The following SGCZ variants were observed in gnomAD, a reference collection of about 807,000 sequenced individuals.
SGCZ encodes zeta-sarcoglycan.
Under a neutral mutation model 41.3 loss-of-function variants are expected in SGCZ, and 40 were observed. The observed-to-expected ratio is 0.97, with a 90% CI of 0.75 to 1.26. SGCZ has a LOEUF of 1.26. Ranked by LOEUF, SGCZ falls within the 50% of genes most tolerant of loss-of-function variation. The pLI is 0.00. For missense variants in SGCZ, 552 were observed against 369.8 expected, an observed-to-expected ratio of 1.49 and a Z score of -4.04; for synonymous variants, 206 against 137.5, an observed-to-expected ratio of 1.50 and a Z score of -3.49.
intron 6 of SGCZ, among the ~76,000 whole-genome samples, chr8:14,103,772 CTG>C (rs1469787860): frequency 1.3e-5 from 2 of 151,968 alleles, no homozygotes; most frequent in Admixed American, 1.3e-4. Context: ...TAAGAAACGT[CTG>C]TATTTTTTTT....
At chr8:14,157,426 C>T (rs1803912441) in intron 5 of SGCZ, among the ~76,000 whole-genome samples, 1 of 149,718 alleles carries the variant, frequency 6.7e-6, no homozygotes, top group Admixed American at 6.7e-5. Context: ...TCCCAACTGG[C>T]TCATATGTCT....
At chr8:14,538,052 G>A (rs1457053170) in intron 2 of SGCZ, among the ~76,000 whole-genome samples, 1 of 151,752 alleles carries the variant, frequency 6.6e-6, no homozygotes, top group Non-Finnish European at 1.5e-5. Flanking sequence ...TAGGCCCACT[G>A]GACATCTTTC....
intron 1 of SGCZ, among the ~76,000 whole-genome samples, chr8:14,907,058 G>C (rs1290685816): frequency 1.3e-5 from 2 of 152,104 alleles, no homozygotes. Context: ...CTCCCTGAAA[G>C]CATGGTGCTA....
At chr8:14,672,332 C>A (rs1808130283) in intron 1 of SGCZ, among the ~76,000 whole-genome samples, 1 of 151,976 alleles carries the variant, frequency 6.6e-6, no homozygotes, top group Non-Finnish European at 1.5e-5. Flanking sequence ...AGCGGAAAAC[C>A]AGCTGTAAAT....
chr8:14,128,531 C>G (rs1217111991), intron 5 of SGCZ, among the ~76,000 whole-genome samples: 3 of 152,156 alleles, frequency 2.0e-5, no homozygotes. Context: ...ATTCTTCAGT[C>G]CAGCAATTCC....
At chr8:14,566,888 G>A (rs908357516) in intron 1 of SGCZ, among the ~76,000 whole-genome samples, 5 of 152,200 alleles carry the variant, frequency 3.3e-5, no homozygotes, top group Non-Finnish European at 7.3e-5. Flanking sequence ...TTCCAGGTGG[G>A]CGGCTGTGGG....
At chr8:14,291,267 T>G (rs1230648191) in intron 3 of SGCZ, among the ~76,000 whole-genome samples, 5 of 152,062 alleles carry the variant, frequency 3.3e-5, no homozygotes, top group Admixed American at 1.3e-4. Context: ...CAATAATGTA[T>G]TGTACATTTC....
intron 2 of SGCZ, among the ~76,000 whole-genome samples, chr8:14,327,146 A>G (rs1052042419): frequency 2.0e-5 from 3 of 152,316 alleles, no homozygotes; most frequent in Non-Finnish European, 2.9e-5. Context: ...GGATGTTAAG[A>G]AATATGGCAA....
chr8:14,934,765 C>A (rs891504868), intron 1 of SGCZ, among the ~76,000 whole-genome samples: 2 of 151,304 alleles, frequency 1.3e-5, no homozygotes, highest in East Asian at 3.9e-4. Context: ...TACCTAGACA[C>A]ATCAAAGTGA....
At chr8:14,365,157 C>T (rs113135515) in intron 2 of SGCZ, among the ~76,000 whole-genome samples, 3,101 of 152,038 alleles carry the variant, frequency 0.02, 90 homozygotes, top group African/African-American at 0.058. Flanking sequence ...TTACAGGGTA[C>T]ATCCCTTTTT....
rs1041021859 is a variant in SGCZ, at chr8:14,197,741, G to C, written c.425-33039C>G. 5.8e-4 allele frequency among the ~76,000 whole-genome samples: 88 copies of C among 151,994 alleles called. 1 individual carries two copies. The highest frequency in any genetic ancestry group is 3.9e-4 in the East Asian group (2 of 5,162). ...CAAAACCTAAGTGCTTTTCCCCTAA[G>C]TTTCAGTTTAAAAAGCAAAAATGTC... On this transcript the variant is annotated intron_variant, in intron 4 of 7. Coordinates refer to ENST00000382080, the MANE Select transcript of SGCZ (RefSeq NM_139167.4).
At chr8:15,156,382 A>G (rs1799331260) in intron 1 of SGCZ, among the ~76,000 whole-genome samples, 1 of 152,190 alleles carries the variant, frequency 6.6e-6, no homozygotes, top group African/African-American at 2.4e-5. Flanking sequence ...TTAATGGCTT[A>G]TCACCTGTCC....
At chr8:14,514,980 C>T (rs1335012940) in intron 2 of SGCZ, among the ~76,000 whole-genome samples, 1 of 151,750 alleles carries the variant, frequency 6.6e-6, no homozygotes, top group African/African-American at 2.4e-5. Context: ...ATTATAATTG[C>T]TTGTTTTCTA....
At chr8:14,105,078 G>C (rs1374797463) in intron 6 of SGCZ, among the ~76,000 whole-genome samples, 1 of 151,890 alleles carries the variant, frequency 6.6e-6, no homozygotes, top group Non-Finnish European at 1.5e-5. Flanking sequence ...AGGCTGTTCT[G>C]GGCAAATTTA....
chr8:14,658,944 G>A (rs1045760701), intron 1 of SGCZ, among the ~76,000 whole-genome samples: 19 of 151,922 alleles, frequency 1.3e-4, no homozygotes, highest in Middle Eastern at 3.4e-3. Flanking sequence ...AAAAAGAGAC[G>A]AAAAAAGTCT....
intron 1 of SGCZ, among the ~76,000 whole-genome samples, chr8:14,623,673 A>C (rs1806357848): frequency 6.6e-6 from 1 of 152,114 alleles, no homozygotes; most frequent in African/African-American, 2.4e-5. Flanking sequence ...AAAAGTAAGT[A>C]ATGTTTATAA....
At chr8:14,474,701 T>C (rs781200085) in intron 2 of SGCZ, among the ~76,000 whole-genome samples, 3 of 152,226 alleles carry the variant, frequency 2.0e-5, no homozygotes, top group Non-Finnish European at 4.4e-5. Flanking sequence ...TTTGAAACCA[T>C]ACTCAAAAAC....
chr8:14,532,024 T>C (rs1168880534), intron 2 of SGCZ, among the ~76,000 whole-genome samples: 1 of 152,100 alleles, frequency 6.6e-6, no homozygotes. Context: ...GATTTAATGG[T>C]TTCAAAATAG....
chr8:14,654,189 T>C (rs1807488386), intron 1 of SGCZ, among the ~76,000 whole-genome samples: 1 of 151,484 alleles, frequency 6.6e-6, no homozygotes, highest in East Asian at 1.9e-4. Context: ...AAATAAATAA[T>C]TCAGTAAAAT....
Sources: gnomAD v4.1 joint callset for allele counts (sites outside exome capture counted in the v4.1 genomes callset) on GRCh38, gnomAD v4.1.1 for gene constraint, MANE v1.5 for transcripts, NCBI Gene and HGNC (gene_info 2026-07-23, HGNC 2026-07-21) for gene names.